The following SHANK2 variants were observed in gnomAD, a reference collection of about 807,000 sequenced individuals.
SHANK2 encodes the protein SH3 and multiple ankyrin repeat domains protein 2.
Under a neutral mutation model 133.7 loss-of-function variants are expected in SHANK2, and 43 were observed. The ratio of observed to expected loss-of-function variants is 0.32; its 90% CI spans 0.25 to 0.41. SHANK2 has a LOEUF of 0.41. SHANK2 is among the 10% of genes least tolerant of loss of function. The pLI, the probability that SHANK2 is intolerant of heterozygous loss-of-function variation, is 1.00. For synonymous variants in SHANK2, 1,017 were observed against 952.8 expected (o/e 1.07, Z -1.24); for missense variants, 1,994 against 2,235.8 (o/e 0.89, Z 2.18).
intron 17 of SHANK2, among the ~76,000 whole-genome samples, chr11:70,575,386 G>A (rs751547548): frequency 6.6e-6 from 1 of 152,070 alleles, no homozygotes; most frequent in African/African-American, 2.4e-5. Flanking sequence ...GGGCATGGTG[G>A]TGGGTGCCTG....
chr11:71,251,656 C>T (rs1948183174), intron 1 of SHANK2, among the ~76,000 whole-genome samples: 1 of 151,210 alleles, frequency 6.6e-6, no homozygotes, highest in African/African-American at 2.4e-5. Flanking sequence ...CGGACGGTGG[C>T]GGCCGGGCTG....
intron 2 of SHANK2, among the ~76,000 whole-genome samples, chr11:71,211,317 T>C (rs1179606910): frequency 6.7e-6 from 1 of 150,124 alleles, no homozygotes; most frequent in Non-Finnish European, 1.5e-5. Flanking sequence ...GGAGGTCAGA[T>C]CGCTTGAGCT....
At chr11:70,796,883 A>C (rs1947925734) in intron 14 of SHANK2, among the ~76,000 whole-genome samples, 1 of 152,184 alleles carries the variant, frequency 6.6e-6, no homozygotes, top group East Asian at 1.9e-4. Flanking sequence ...TTTCCATGCT[A>C]AATGACCCTC....
At position 70,469,227 on chromosome 11, in the gene SHANK2, T is replaced by TAA. The variant is rs1555147869; in HGVS notation, c.*3640_*3641dup. On this transcript the variant is annotated 3_prime_UTR_variant, in exon 26 of 26. Transcript: ENST00000601538. ...GAAATAACATGCACGTATCCATTGA[T>TAA]AAATTGAGAATAAGGAAATGGAACC... 6.6e-6 allele frequency: 1 copy of TAA among 152,342 alleles called. No individual in the cohort carries two copies. The highest frequency in any genetic ancestry group is 1.9e-4 in the East Asian group (1 of 5,198). 9.4% of individuals were successfully genotyped at this position (152,342 alleles called of 1,614,324 possible). A position where few individuals can be genotyped will look rare whatever the true frequency, so the allele number is the denominator to read the frequency against.
chr11:71,219,617 G>A (rs1954494202), intron 2 of SHANK2, among the ~76,000 whole-genome samples: 1 of 152,178 alleles, frequency 6.6e-6, no homozygotes, highest in African/African-American at 2.4e-5. Context: ...CAGGCCAGGT[G>A]TGATGGCTCA....
intron 10 of SHANK2, among the ~76,000 whole-genome samples, chr11:70,923,632 T>C (rs1475431639): frequency 6.6e-6 from 1 of 152,170 alleles, no homozygotes; most frequent in Non-Finnish European, 1.5e-5. Context: ...CACTGATAAC[T>C]CCACCTCCCA....
In SHANK2 at chr11:70,487,633, A is replaced by C; in HGVS notation, c.2660T>G (p.Ile887Ser). ...SLSMPDTSED[I>S]PPPPQSVPPS... ...GGGCACAGACTGCGGTGGAGGGGGGATGTCCTCAGAGGTGTCCGGCATGGA... is the reference window on the plus strand; with the variant it reads ...GGGCACAGACTGCGGTGGAGGGGGGCTGTCCTCAGAGGTGTCCGGCATGGA... Residue 887 changes from isoleucine to serine, a missense_variant, in exon 25 of 26, where the codon ATC (isoleucine) becomes AGC (serine). Coordinates refer to ENST00000601538, the MANE Select transcript of SHANK2 (RefSeq NM_012309.5). The surrounding 1 kb of genome is among the most constrained non-coding windows in gnomAD (Gnocchi z 5.8). 1 of 1,603,402 alleles carries C rather than the reference A, an allele frequency of 6.2e-7. No individual in the cohort carries two copies. Among genetic ancestry groups the C allele is most frequent in the Non-Finnish European group, 8.5e-7 (1 of 1,174,958 alleles).
chr11:70,475,218 G>A (rs1367068079), intron 25 of SHANK2: 2 of 152,314 alleles, frequency 1.3e-5, no homozygotes, highest in South Asian at 2.1e-4. Context: ...GACACTGGTG[G>A]GCCGTGAGGA....
At chr11:71,141,631 C>T (rs1182203308) in intron 3 of SHANK2, among the ~76,000 whole-genome samples, 4 of 152,140 alleles carry the variant, frequency 2.6e-5, no homozygotes, top group Non-Finnish European at 4.4e-5. Flanking sequence ...TTACAAATTA[C>T]TCAGTCTCCG....
At chr11:70,702,186 A>G (rs1591764073) in intron 14 of SHANK2, among the ~76,000 whole-genome samples, 2 of 151,312 alleles carry the variant, frequency 1.3e-5, no homozygotes, top group South Asian at 2.1e-4. Context: ...AATTACTGCC[A>G]TCACCACCAC....
chr11:70,955,050 G>A (rs1950898153), intron 10 of SHANK2, among the ~76,000 whole-genome samples: 1 of 152,186 alleles, frequency 6.6e-6, no homozygotes, highest in South Asian at 2.1e-4. Flanking sequence ...TCCACATCAA[G>A]GCCTTCTTTG....
intron 7 of SHANK2, among the ~76,000 whole-genome samples, chr11:71,093,773 C>T (rs1457567886): frequency 1.3e-5 from 2 of 152,186 alleles, no homozygotes; most frequent in East Asian, 1.9e-4. Context: ...AACGCAGGAA[C>T]AGACTCACAC....
chr11:70,473,472 G>A lies in SHANK2; in HGVS notation c.4980-33C>T, dbSNP rs1555149352. On this transcript the variant is annotated intron_variant, in intron 25 of 25. Transcript: ENST00000601538. The surrounding 1 kb of genome is among the most constrained non-coding windows in gnomAD (Gnocchi z 5.9). ...AGCAACACAGAGAAAACCATCACAAGGCAGGTCACCGAGTCAGGGCAGCTG... is the reference window on the plus strand; with the variant it reads ...AGCAACACAGAGAAAACCATCACAAAGCAGGTCACCGAGTCAGGGCAGCTG... The A allele has an allele frequency of 6.3e-7, 1 of 1,597,234 alleles. No homozygotes were observed. Among genetic ancestry groups the A allele is most frequent in the South Asian group, 1.1e-5 (1 of 90,932 alleles).
At chr11:71,148,180 G>T (rs1555107176) in intron 2 of SHANK2, among the ~76,000 whole-genome samples, 1 of 151,922 alleles carries the variant, frequency 6.6e-6, no homozygotes, top group Non-Finnish European at 1.5e-5. Flanking sequence ...CGCCTCCCGG[G>T]TTCAGACGAT....
At chr11:70,876,343 C>T (rs1949564576) in intron 11 of SHANK2, among the ~76,000 whole-genome samples, 1 of 149,536 alleles carries the variant, frequency 6.7e-6, no homozygotes, top group Admixed American at 6.7e-5. Flanking sequence ...GGGCAGATCA[C>T]GAGGTCAGGA....
At chr11:70,785,738 C>T (rs935897688) in intron 14 of SHANK2, among the ~76,000 whole-genome samples, 4 of 152,186 alleles carry the variant, frequency 2.6e-5, no homozygotes, top group African/African-American at 9.7e-5. Context: ...TCACATGTTC[C>T]AGGACAGGGG....
At chr11:70,856,239 CAGAT>C (rs1163528022) in intron 11 of SHANK2, among the ~76,000 whole-genome samples, 15 of 149,278 alleles carry the variant, frequency 1.0e-4, no homozygotes, top group Admixed American at 3.3e-4. Flanking sequence ...AATAAATGGA[CAGAT>C]GGATGGATGG....
chr11:71,119,878 T>A (rs1952051842), intron 3 of SHANK2, among the ~76,000 whole-genome samples: 2 of 152,174 alleles, frequency 1.3e-5, no homozygotes, highest in Admixed American at 1.3e-4. Context: ...AATTTTGACA[T>A]GGATCGTTCT....
At chr11:70,745,111 A>C (rs1200257354) in intron 14 of SHANK2, among the ~76,000 whole-genome samples, 6 of 152,144 alleles carry the variant, frequency 3.9e-5, no homozygotes, top group Non-Finnish European at 8.8e-5. Context: ...TTTTCACCCC[A>C]ATTTCTACCC....
Sources: gnomAD v4.1 joint callset for allele counts (sites outside exome capture counted in the v4.1 genomes callset) on GRCh38, gnomAD v4.1.1 for gene constraint, Gnocchi (gnomAD v3.1) non-coding constraint, MANE v1.5 for transcripts, NCBI Gene and HGNC (gene_info 2026-07-23, HGNC 2026-07-21) for gene names.